HYDIN: variants seen among roughly 807,000 people sequenced by gnomAD.
The protein encoded by HYDIN is axonemal central pair apparatus protein HYDIN.
Under a neutral mutation model 403.9 loss-of-function variants are expected in HYDIN, and 132 were observed. The ratio of observed to expected loss-of-function variants is 0.33; its 90% CI spans 0.28 to 0.38. The LOEUF is 0.38. HYDIN is among the 10% of genes least tolerant of loss of function. The pLI is 1.00. For missense variants in HYDIN, 2,827 were observed against 5,009.5 expected, an observed-to-expected ratio of 0.56 and a Z score of 13.15; for synonymous variants, 1,202 against 1,891.7, an observed-to-expected ratio of 0.64 and a Z score of 9.46.
intron 2 of HYDIN, 32 bp from the exon 3 acceptor site, chr16:71,185,022 C>T: frequency 2.6e-6 from 4 of 1,535,992 alleles, no homozygotes; most frequent in Non-Finnish European, 2.7e-6. Flanking sequence ...ACCAAAGATT[C>T]TTAAGTGGAT....
chr16:71,024,914 T>C (rs2080638401), intron 21 of HYDIN, among the ~76,000 whole-genome samples: 1 of 152,240 alleles, frequency 6.6e-6, no homozygotes, highest in East Asian at 1.9e-4. Context: ...CCTTGTGTGA[T>C]AACAGAACCT....
intron 1 of HYDIN, among the ~76,000 whole-genome samples, chr16:71,214,831 C>T (rs975494269): frequency 9.9e-5 from 15 of 152,122 alleles, no homozygotes; most frequent in Non-Finnish European, 1.5e-5. Flanking sequence ...CTTTTATTTC[C>T]TTCCCTGCCT....
intron 13 of HYDIN, among the ~76,000 whole-genome samples, chr16:71,070,243 T>TTTTCTTTCTTTC (rs143461846): frequency 6.8e-6 from 1 of 146,348 alleles, no homozygotes; most frequent in Non-Finnish European, 1.5e-5. Flanking sequence ...ATTTTCTTTC[T>TTTTCTTTCTTTC]TTTCTTTCTT....
At chr16:71,189,542 C>T (rs568397530) in intron 1 of HYDIN, among the ~76,000 whole-genome samples, 6 of 152,066 alleles carry the variant, frequency 3.9e-5, no homozygotes, top group South Asian at 4.2e-4. Context: ...CCGAGGCAGG[C>T]GGATCACGCG....
chr16:71,200,093 A>G (rs1365557061), intron 1 of HYDIN, among the ~76,000 whole-genome samples: 1 of 152,164 alleles, frequency 6.6e-6, no homozygotes, highest in Non-Finnish European at 1.5e-5. Context: ...TACACTCCCA[A>G]CAGCGCCATG....
chr16:70,945,630 GGA>G (rs533007112), intron 41 of HYDIN, among the ~76,000 whole-genome samples: 6 of 152,216 alleles, frequency 3.9e-5, no homozygotes, highest in Non-Finnish European at 8.8e-5. Context: ...CTAGGAATTT[GGA>G]GATTGAGAAG....
chr16:70,959,649 G>C lies in HYDIN; in HGVS notation c.6140C>G (p.Ser2047Ter). Residue 2047 changes from serine (S) to a stop codon, truncating the protein, a stop_gained and splice_region_variant, in exon 39 of 86, where the codon TCA becomes TGA. Coordinates refer to ENST00000393567, the MANE Select transcript of HYDIN (RefSeq NM_001270974.2). LOFTEE classifies it high-confidence loss of function. ...CTCCCCTCAGAACTGTTGCCTACCT[G>C]ACAAGGGTGTCCCATGAATGATAAT... is the stretch of plus-strand genomic sequence containing the variant. ...IAIIIHGTPL[S>*]GKSANAVSVA... 2 of 1,299,944 alleles carry C rather than the reference G, an allele frequency of 1.5e-6. No homozygotes were observed. The highest frequency in any genetic ancestry group is 1.5e-5 in the South Asian group (1 of 68,230). The allele number at this position is 1,299,944 out of a possible 1,614,324, so 80.5% of individuals were successfully genotyped here. A position where few individuals can be genotyped will look rare whatever the true frequency, so the allele number is the denominator to read the frequency against.
At chr16:71,226,802 C>G (rs1444389394) in intron 1 of HYDIN, among the ~76,000 whole-genome samples, 1 of 152,160 alleles carries the variant, frequency 6.6e-6, no homozygotes, top group East Asian at 1.9e-4. Flanking sequence ...ATCACCGCAT[C>G]CAGACAGTGA....
At chr16:70,886,816 G>T (rs1173915926) in intron 58 of HYDIN, among the ~76,000 whole-genome samples, 3 of 152,106 alleles carry the variant, frequency 2.0e-5, no homozygotes, top group African/African-American at 7.2e-5. Flanking sequence ...ATGTGTTCAA[G>T]ATTTTTTTTT....
intron 1 of HYDIN, among the ~76,000 whole-genome samples, chr16:71,212,359 G>C (rs1253227315): frequency 6.6e-6 from 1 of 152,170 alleles, no homozygotes; most frequent in Non-Finnish European, 1.5e-5. Context: ...GAAAGAGAAA[G>C]AGAACCACGA....
rs764398724 is a variant in HYDIN, at chr16:71,027,597, C to G, written c.3042+5G>C. The stretch of plus-strand genomic sequence containing the variant: ...CAATAGCTTCCAAATGTGCTATCCC[C>G]TTACCCTGGGAGTAGCAGAATAGCC... On this transcript the variant is annotated splice_donor_5th_base_variant and intron_variant, in intron 20 of 85. Transcript: ENST00000393567. 2 of 1,614,082 alleles carry G rather than the reference C, an allele frequency of 1.2e-6. No individual in the cohort carries two copies. Among genetic ancestry groups the G allele is most frequent in the Non-Finnish European group, 1.7e-6 (2 of 1,180,024 alleles).
intron 78 of HYDIN, among the ~76,000 whole-genome samples, chr16:70,834,982 A>G (rs1336500579): frequency 2.1e-5 from 3 of 146,330 alleles, no homozygotes; most frequent in African/African-American, 7.6e-5. Flanking sequence ...GTGTGTATAT[A>G]TATATATATA....
chr16:70,881,607 CA>C (rs10711812), intron 60 of HYDIN, among the ~76,000 whole-genome samples: 85,482 of 130,560 alleles, frequency 0.65, 26,169 homozygotes, highest in Admixed American at 0.74. Flanking sequence ...GACTCCGTCT[CA>C]AAAAAAAAAA....
chr16:71,179,402 A>C (rs1597963383), intron 3 of HYDIN, among the ~76,000 whole-genome samples: 1 of 152,282 alleles, frequency 6.6e-6, no homozygotes, highest in East Asian at 1.9e-4. Flanking sequence ...CCCTTCAAAA[A>C]CGAAGTTTGA....
At chr16:71,225,032 G>A (rs1364093236) in intron 1 of HYDIN, among the ~76,000 whole-genome samples, 1 of 152,174 alleles carries the variant, frequency 6.6e-6, no homozygotes, top group African/African-American at 2.4e-5. Context: ...AAGGTAAGAG[G>A]AGGCACCAAC....
chr16:70,878,051 A>C (rs2040553272), intron 62 of HYDIN, among the ~76,000 whole-genome samples: 1 of 152,168 alleles, frequency 6.6e-6, no homozygotes, highest in South Asian at 2.1e-4. Flanking sequence ...TCCAAGTCTC[A>C]TCTTGAATTG....
At chr16:71,022,098 A>G (rs887834200) in intron 21 of HYDIN, among the ~76,000 whole-genome samples, 82 of 151,746 alleles carry the variant, frequency 5.4e-4, no homozygotes, top group African/African-American at 1.9e-3. Context: ...GGAGGGATGA[A>G]GCAGTACTCT....
chr16:71,062,436 A>G, intron 16 of HYDIN, 103 bp from the exon 17 acceptor site: 2 of 916,720 alleles, frequency 2.2e-6, no homozygotes, highest in Non-Finnish European at 3.2e-6. Context: ...GGTGTTTTAG[A>G]AATGTCTTAT....
intron 10 of HYDIN, among the ~76,000 whole-genome samples, chr16:71,097,388 C>T (rs911947727): frequency 2.8e-5 from 3 of 107,506 alleles, no homozygotes; most frequent in Admixed American, 2.1e-4. Flanking sequence ...CAAAGTCTGA[C>T]GGTCTTGATT....
Sources: allele counts gnomAD v4.1 joint callset (sites outside exome capture counted in the v4.1 genomes callset), GRCh38; gene constraint gnomAD v4.1.1; transcripts MANE v1.5; gene names NCBI Gene and HGNC (gene_info 2026-07-23, HGNC 2026-07-21).